The following GOLGA4 variants were observed in gnomAD, a reference collection of about 807,000 sequenced individuals.
GOLGA4 encodes golgin A4.
A neutral mutation model predicts 265.9 loss-of-function variants in GOLGA4; 169 were observed. The observed-to-expected ratio is 0.64, with a 90% CI of 0.56 to 0.72. GOLGA4 has a LOEUF of 0.72. Ranked by LOEUF, GOLGA4 falls within the 30% of genes least tolerant of loss-of-function variation. The pLI is 0.00. For synonymous variants in GOLGA4, 923 were observed against 855.8 expected (o/e 1.08, Z -1.37); for missense variants, 2,482 against 2,483.4 (o/e 1.00, Z 0.01).
At chr3:37,275,582 C>G (rs906689816) in intron 2 of GOLGA4, 4 of 1,245,138 alleles carry the variant, frequency 3.2e-6, no homozygotes, top group Non-Finnish European at 4.7e-6. Flanking sequence ...CCCGGGCCTG[C>G]GGTGGTGGGG....
At chr3:37,339,148 C>T (rs1294392301) in intron 19 of GOLGA4, among the ~76,000 whole-genome samples, 1 of 152,118 alleles carries the variant, frequency 6.6e-6, no homozygotes, top group African/African-American at 2.4e-5. Context: ...AGGCATGAGC[C>T]ACCGTGCCCG....
intron 10 of GOLGA4, among the ~76,000 whole-genome samples, chr3:37,306,076 G>A (rs571381176): frequency 1.3e-5 from 2 of 152,234 alleles, no homozygotes; most frequent in South Asian, 4.1e-4. Flanking sequence ...GGCATAAAAA[G>A]AATAATTCTG....
At chr3:37,300,088 ATATT>A (rs749367893) in intron 9 of GOLGA4, among the ~76,000 whole-genome samples, 5 of 152,136 alleles carry the variant, frequency 3.3e-5, no homozygotes, top group Admixed American at 6.6e-5. Context: ...GATAATGTAT[ATATT>A]AGCATAAATA....
chr3:37,319,117 G>A lies in GOLGA4; in HGVS notation c.1468G>A (p.Ala490Thr). The A allele has an allele frequency of 1.2e-6, 2 of 1,611,174 alleles. No homozygotes were observed. The highest frequency in any genetic ancestry group is 1.7e-6 in the Non-Finnish European group (2 of 1,178,238). Residue 490 changes from alanine to threonine, a missense_variant, in exon 12 of 24, where the codon GCC becomes ACC. Physicochemically the swap from Ala to Thr is moderately conservative, Grantham distance 58. This residue lies in a region of GOLGA4 where 1,536 missense variants were observed against 1,483.7 expected (regional missense o/e 1.04). Transcript: ENST00000361924. ...KLQKLHEKELARKEQELTKKL... is the reference protein window; with the variant it reads ...KLQKLHEKELTRKEQELTKKL... ...ACAGAAGCTTCATGAAAAGGAGCTG[G>A]CCAGAAAAGAGCAGGAACTGACCAA...
chr3:37,325,368 A>G lies in GOLGA4; in HGVS notation c.3482A>G (p.Lys1161Arg). Residue 1161 changes from lysine (K) to arginine (R), a missense_variant, in exon 14 of 24, where the codon AAG becomes AGG. Coordinates refer to ENST00000361924, the MANE Select transcript of GOLGA4 (RefSeq NM_002078.5). ...CTTCAAGAGCAGCTAGTTGAACTGA[A>G]GATGCTGGCAGAAGAAGATAAGCGG... The part of the protein sequence containing the change: ...TFLQEQLVEL[K>R]MLAEEDKRKV... 6.2e-7 allele frequency: 1 copy of G among 1,613,362 alleles called. No homozygotes were observed.
chr3:37,245,714 T>G (rs1318961472), intron 1 of GOLGA4, among the ~76,000 whole-genome samples: 1 of 152,088 alleles, frequency 6.6e-6, no homozygotes, highest in African/African-American at 2.4e-5. Context: ...AAAATCACTT[T>G]GTGTACGAAA....
intron 2 of GOLGA4, among the ~76,000 whole-genome samples, chr3:37,273,048 T>C (rs1356780812): frequency 1.3e-5 from 2 of 152,216 alleles, no homozygotes; most frequent in Non-Finnish European, 2.9e-5. Context: ...TATCATTTCA[T>C]TTAGATTGCT....
intron 2 of GOLGA4, among the ~76,000 whole-genome samples, chr3:37,277,812 C>T (rs1276069585): frequency 2.6e-5 from 4 of 152,008 alleles, no homozygotes; most frequent in Non-Finnish European, 2.9e-5. Flanking sequence ...GCCACTGTTG[C>T]AAAGTCTACA....
intron 13 of GOLGA4, 113 bp downstream of exon 13, chr3:37,321,999 C>T (rs1360210452): frequency 8.7e-6 from 7 of 800,964 alleles, no homozygotes; most frequent in Non-Finnish European, 1.4e-5. Context: ...TTTATGTATA[C>T]ATGCCCTTCA....
intron 22 of GOLGA4, among the ~76,000 whole-genome samples, chr3:37,355,712 TGAAA>T (rs1326618306): frequency 1.3e-5 from 2 of 152,000 alleles, no homozygotes; most frequent in African/African-American, 4.8e-5. Context: ...AATTGAAAAA[TGAAA>T]GAAACACACA....
At chr3:37,306,273 T>G (rs1398874664) in intron 10 of GOLGA4, among the ~76,000 whole-genome samples, 1 of 152,194 alleles carries the variant, frequency 6.6e-6, no homozygotes, top group Non-Finnish European at 1.5e-5. Context: ...AAAATAAGTT[T>G]ATTGGTTATA....
intron 21 of GOLGA4, among the ~76,000 whole-genome samples, chr3:37,352,043 A>C (rs1260565436): frequency 6.6e-6 from 1 of 152,096 alleles, no homozygotes; most frequent in Non-Finnish European, 1.5e-5. Context: ...TGTTTCATCT[A>C]CACAGAAAAT....
chr3:37,343,952 G>T (rs953069782), intron 20 of GOLGA4, among the ~76,000 whole-genome samples: 1 of 152,204 alleles, frequency 6.6e-6, no homozygotes, highest in Non-Finnish European at 1.5e-5. Context: ...AGTAGTGATT[G>T]CATAATGGTG....
At chr3:37,307,452 T>G (rs1182719764) in intron 10 of GOLGA4, among the ~76,000 whole-genome samples, 2 of 152,230 alleles carry the variant, frequency 1.3e-5, no homozygotes, top group Non-Finnish European at 2.9e-5. Flanking sequence ...TGTAACAAAA[T>G]TTTCTTGGAG....
intron 5 of GOLGA4, among the ~76,000 whole-genome samples, chr3:37,290,562 A>G (rs529465300): frequency 2.0e-5 from 3 of 152,344 alleles, no homozygotes; most frequent in Non-Finnish European, 4.4e-5. Context: ...TGACAAGACC[A>G]AGCATTGGCC....
rs753538132 is a variant in GOLGA4, at chr3:37,324,752, A to T, written c.2866A>T (p.Met956Leu). 4 of 1,586,004 alleles carry T rather than the reference A, an allele frequency of 2.5e-6. No individual in the cohort carries two copies. The East Asian group carries it at 8.9e-5, about 35-fold the overall frequency. The part of the protein sequence containing the change: ...ETKFKNQEKK[M>L]EKVKQKAKEM... ...CAAATTTAAAAACCAAGAAAAAAAGATGGAAAAAGTTAAGCAGAAAGCAAA... is the reference window on the plus strand; with the variant it reads ...CAAATTTAAAAACCAAGAAAAAAAGTTGGAAAAAGTTAAGCAGAAAGCAAA... The change falls in exon 14 of 24, where the codon ATG becomes TTG. Residue 956 changes from methionine (M) to leucine (L), a missense_variant. By Grantham distance (15) the Met-to-Leu change is conservative. This residue lies in a region of GOLGA4 where 1,536 missense variants were observed against 1,483.7 expected (regional missense o/e 1.04). Transcript: ENST00000361924.
At chr3:37,331,517 T>C (rs2096990280) in intron 16 of GOLGA4, among the ~76,000 whole-genome samples, 1 of 152,198 alleles carries the variant, frequency 6.6e-6, no homozygotes, top group South Asian at 2.1e-4. Context: ...AAATCCATAT[T>C]CTCTATGATT....
intron 1 of GOLGA4, among the ~76,000 whole-genome samples, chr3:37,246,666 A>T (rs916364503): frequency 6.6e-6 from 1 of 152,200 alleles, no homozygotes; most frequent in Non-Finnish European, 1.5e-5. Context: ...GTTTGGAAAG[A>T]TGAAAACGTA....
chr3:37,251,705 G>A (rs776297820), intron 2 of GOLGA4, among the ~76,000 whole-genome samples: 10 of 150,650 alleles, frequency 6.6e-5, no homozygotes, highest in Non-Finnish European at 1.3e-4. Flanking sequence ...ATGTTTTTGA[G>A]ACAGGGTCTG....
Sources: gnomAD v4.1 joint callset for allele counts (sites outside exome capture counted in the v4.1 genomes callset) on GRCh38, gnomAD v4.1.1 for gene constraint, gnomAD v4.1.1 regional missense constraint, MANE v1.5 for transcripts, NCBI Gene and HGNC (gene_info 2026-07-23, HGNC 2026-07-21) for gene names.